The following PTPRK variants were observed in gnomAD, a reference collection of about 807,000 sequenced individuals.
The protein encoded by PTPRK is protein tyrosine phosphatase receptor type K.
PTPRK carries 75 observed loss-of-function variants against 178.0 expected under a neutral mutation model. The ratio of observed to expected loss-of-function variants is 0.42; its 90% CI spans 0.35 to 0.51. The LOEUF (loss-of-function observed/expected upper bound fraction) is 0.51. Among genes scored for constraint, PTPRK ranks in the 20% least tolerant of loss-of-function variants. The probability of loss-of-function intolerance (pLI) is 0.02; values close to 1 mark genes in which losing one functional copy is unlikely to be tolerated. For synonymous variants in PTPRK, 637 were observed against 620.6 expected (o/e 1.03, Z -0.39); for missense variants, 1,441 against 1,797.8 (o/e 0.80, Z 3.59).
intron 6 of PTPRK, among the ~76,000 whole-genome samples, chr6:128,194,728 G>A (rs1018232852): frequency 2.6e-5 from 4 of 152,144 alleles, no homozygotes; most frequent in Non-Finnish European, 5.9e-5. Flanking sequence ...TTAAGAGCTA[G>A]GAGACTTTTT....
At chr6:128,314,001 T>C (rs917648843) in intron 3 of PTPRK, among the ~76,000 whole-genome samples, 134 of 152,282 alleles carry the variant, frequency 8.8e-4, no homozygotes, top group African/African-American at 3.1e-3. Flanking sequence ...AGGTAACCTT[T>C]GACCTCTGTA....
intron 3 of PTPRK, among the ~76,000 whole-genome samples, chr6:128,260,144 T>C (rs1393345502): frequency 6.6e-6 from 1 of 152,186 alleles, no homozygotes; most frequent in Non-Finnish European, 1.5e-5. Flanking sequence ...TATTATTCTC[T>C]GGATTACACT....
intron 2 of PTPRK, among the ~76,000 whole-genome samples, chr6:128,341,425 C>T (rs1472017864): frequency 6.6e-6 from 1 of 152,030 alleles, no homozygotes; most frequent in Non-Finnish European, 1.5e-5. Context: ...TTGTCACACA[C>T]AATACCAATA....
At chr6:128,157,964 G>T (rs925396797) in intron 7 of PTPRK, among the ~76,000 whole-genome samples, 1 of 151,884 alleles carries the variant, frequency 6.6e-6, no homozygotes, top group African/African-American at 2.4e-5. Context: ...GTCAATTTTG[G>T]CTTTTGTTGC....
At chr6:128,021,137 A>G (rs1773437931) in intron 13 of PTPRK, among the ~76,000 whole-genome samples, 1 of 152,210 alleles carries the variant, frequency 6.6e-6, no homozygotes, top group Non-Finnish European at 1.5e-5. Flanking sequence ...GAGTGAATGA[A>G]TGAAAAGATG....
intron 7 of PTPRK, among the ~76,000 whole-genome samples, chr6:128,104,426 G>A (rs761413950): frequency 3.3e-5 from 5 of 152,152 alleles, no homozygotes; most frequent in Admixed American, 1.3e-4. Context: ...GTTTCACTGT[G>A]TTAGCCAGGA....
intron 2 of PTPRK, among the ~76,000 whole-genome samples, chr6:128,382,047 G>A (rs1221712439): frequency 2.0e-5 from 3 of 151,310 alleles, no homozygotes; most frequent in Non-Finnish European, 2.9e-5. Flanking sequence ...GCCAGGTGTG[G>A]TGGCACACAC....
chr6:128,234,369 T>C (rs1490386730), intron 5 of PTPRK, among the ~76,000 whole-genome samples: 1 of 152,214 alleles, frequency 6.6e-6, no homozygotes, highest in Non-Finnish European at 1.5e-5. Flanking sequence ...AATTAGTAAA[T>C]TGGACAGATC....
At chr6:128,330,490 CT>C (rs1208819892) in intron 2 of PTPRK, among the ~76,000 whole-genome samples, 1 of 152,026 alleles carries the variant, frequency 6.6e-6, no homozygotes, top group Non-Finnish European at 1.5e-5. Flanking sequence ...TCACTTTCCT[CT>C]TTTAATTAAC....
At chr6:128,158,441 G>A (rs919152933) in intron 7 of PTPRK, among the ~76,000 whole-genome samples, 6 of 151,958 alleles carry the variant, frequency 3.9e-5, no homozygotes, top group Non-Finnish European at 8.8e-5. Context: ...ATAAGGAAAT[G>A]ACAACTTTTT....
In PTPRK at chr6:128,520,404, G is replaced by C. The variant is rs1380133299; in HGVS notation, c.-46C>G. On this transcript the variant is annotated 5_prime_UTR_variant, in exon 1 of 30. Coordinates refer to ENST00000368226, the MANE Select transcript of PTPRK (RefSeq NM_002844.4). ...CAAGCAGCTTTGCAAAGAGCTGCCGGGGGGATCGCCGCGAAATCCACGACG... is the reference window on the plus strand; with the variant it reads ...CAAGCAGCTTTGCAAAGAGCTGCCGCGGGGATCGCCGCGAAATCCACGACG... 3.2e-6 allele frequency: 5 copies of C among 1,549,356 alleles called. No homozygotes were observed. The highest frequency in any genetic ancestry group is 1.4e-5 in the African/African-American group (1 of 73,298).
At position 127,982,868 on chromosome 6, in the gene PTPRK, G is replaced by C. The variant is rs967983277; in HGVS notation, c.3500C>G (p.Ser1167Cys). Residue 1167 changes from serine (S) to cysteine (C), a missense_variant, in exon 24 of 30, where the codon TCC (serine) becomes TGC (cysteine). Coordinates refer to ENST00000368226, the MANE Select transcript of PTPRK (RefSeq NM_002844.4). ...AAYFDMIRID[S>C]QTNSSHLKDE... ...CTTGAGATGTGAAGAGTTAGTCTGG[G>C]AGTCTATTCTAATCATATCAAAATA... The C allele has an allele frequency of 1.2e-6, 2 of 1,612,122 alleles. No individual in the cohort carries two copies. Among genetic ancestry groups the C allele is most frequent in the African/African-American group, 1.3e-5 (1 of 74,942 alleles).
At chr6:128,252,135 A>G (rs1816562208) in intron 3 of PTPRK, among the ~76,000 whole-genome samples, 1 of 152,240 alleles carries the variant, frequency 6.6e-6, no homozygotes, top group African/African-American at 2.4e-5. Flanking sequence ...CCTGTATGAA[A>G]GAAAAGCCCA....
chr6:127,975,880 C>A (rs576981107), intron 27 of PTPRK, among the ~76,000 whole-genome samples: 1 of 152,222 alleles, frequency 6.6e-6, no homozygotes, highest in South Asian at 2.1e-4. Context: ...ACCACGTTGC[C>A]AGGCTGGTCT....
At chr6:128,241,951 T>TA (rs1020476426) in intron 4 of PTPRK, among the ~76,000 whole-genome samples, 1 of 148,964 alleles carries the variant, frequency 6.7e-6, no homozygotes, top group African/African-American at 2.5e-5. Context: ...CTGGCTAATT[T>TA]TTTTTTTTTT....
chr6:128,224,176 C>T (rs1332946455), intron 5 of PTPRK, among the ~76,000 whole-genome samples: 1 of 152,104 alleles, frequency 6.6e-6, no homozygotes, highest in Non-Finnish European at 1.5e-5. Flanking sequence ...AATATATGAT[C>T]CAAGGGATTA....
chr6:128,398,454 TCTC>T (rs1160478874), intron 1 of PTPRK, among the ~76,000 whole-genome samples: 2 of 152,138 alleles, frequency 1.3e-5, no homozygotes, highest in African/African-American at 4.8e-5. Flanking sequence ...CGGACCCTAT[TCTC>T]CTGCCTCACA....
chr6:128,112,116 G>A (rs764098409), intron 7 of PTPRK, among the ~76,000 whole-genome samples: 1 of 152,036 alleles, frequency 6.6e-6, no homozygotes, highest in Non-Finnish European at 1.5e-5. Flanking sequence ...GGTTGTGAGG[G>A]CTAGTTACAG....
chr6:128,032,841 G>A (rs1562467962), intron 13 of PTPRK, among the ~76,000 whole-genome samples: 2 of 152,070 alleles, frequency 1.3e-5, no homozygotes, highest in African/African-American at 2.4e-5. Context: ...ATGTCACTGC[G>A]GGAATATCAG....
Sources: gnomAD v4.1 joint callset for allele counts (sites outside exome capture counted in the v4.1 genomes callset) on GRCh38, gnomAD v4.1.1 for gene constraint, MANE v1.5 for transcripts, NCBI Gene and HGNC (gene_info 2026-07-23, HGNC 2026-07-21) for gene names.